The following KLHL13 variants were observed in gnomAD, a reference collection of about 807,000 sequenced individuals.
KLHL13 encodes the protein kelch like family member 13.
Under a neutral mutation model 37.1 loss-of-function variants are expected in KLHL13, and 10 were observed. The ratio of observed to expected loss-of-function variants is 0.27; its 90% CI spans 0.17 to 0.46. KLHL13 has a LOEUF of 0.46. KLHL13 is among the 20% of genes least tolerant of loss of function. The pLI is 1.00. For synonymous variants in KLHL13, 163 were observed against 181.2 expected (o/e 0.90, Z 0.81); for missense variants, 360 against 509.3 (o/e 0.71, Z 2.82).
intron 1 of KLHL13, among the ~76,000 whole-genome samples, chrX:118,016,789 G>C (rs930812133): frequency 4.3e-4 from 48 of 111,455 alleles, no homozygotes; most frequent in Non-Finnish European, 1.3e-4. Context: ...TATGGGTCTT[G>C]AGGAACAAGT....
chrX:118,032,837 CT>C (rs1417462321), intron 1 of KLHL13, among the ~76,000 whole-genome samples: 1 of 111,236 alleles, frequency 9.0e-6, no homozygotes, highest in Non-Finnish European at 1.9e-5. Context: ...AAGTTGAAAA[CT>C]TTGAAAACAA....
At chrX:117,923,198 G>A (rs979163172) in intron 2 of KLHL13, among the ~76,000 whole-genome samples, 1 of 111,773 alleles carries the variant, frequency 8.9e-6, no homozygotes, top group Admixed American at 9.5e-5. Context: ...AGCTGTCTAA[G>A]TATATCTGTG....
chrX:118,046,367 T>C (rs1261088662), intron 1 of KLHL13, among the ~76,000 whole-genome samples: 1 of 111,741 alleles, frequency 8.9e-6, no homozygotes, highest in Admixed American at 9.5e-5. Flanking sequence ...AGACAGATGG[T>C]AGAATGATGG....
intron 1 of KLHL13, among the ~76,000 whole-genome samples, chrX:118,014,052 C>A (rs1463511643): frequency 1.8e-5 from 2 of 111,841 alleles, no homozygotes; most frequent in East Asian, 5.6e-4. Context: ...TGTGTTTGAA[C>A]AATATTAAAT....
intron 2 of KLHL13, among the ~76,000 whole-genome samples, chrX:117,925,915 T>C (rs1446944531): frequency 9.0e-6 from 1 of 111,205 alleles, no homozygotes; most frequent in Non-Finnish European, 1.9e-5. Context: ...GCCTCAAGGA[T>C]GCCCCCCAAC....
At chrX:117,912,435 C>T (rs6645414) in intron 4 of KLHL13, among the ~76,000 whole-genome samples, 11,495 of 111,661 alleles carry the variant, frequency 0.1, 594 homozygotes, top group African/African-American at 0.2. Context: ...CTGTATAATT[C>T]AGAAATGGGA....
At chrX:117,951,681 G>A (rs192631251) in intron 1 of KLHL13, among the ~76,000 whole-genome samples, 110 of 111,842 alleles carry the variant, frequency 9.8e-4, no homozygotes, top group Admixed American at 1.6e-3. Context: ...CTTCTTATAT[G>A]CATATGTCTG....
chrX:117,957,602 T>C (rs1181154910), intron 1 of KLHL13, among the ~76,000 whole-genome samples: 1 of 112,289 alleles, frequency 8.9e-6, no homozygotes, highest in Non-Finnish European at 1.9e-5. Flanking sequence ...AGAAAATTCA[T>C]TTAATTTAAA....
upstream of KLHL13, among the ~76,000 whole-genome samples, chrX:117,974,832 A>T (rs1391554646): frequency 9.0e-6 from 1 of 111,301 alleles, no homozygotes; most frequent in Non-Finnish European, 1.9e-5. Context: ...TCATTACCTT[A>T]CATACAATTT....
chrX:117,963,756 C>A (rs1169309742), intron 1 of KLHL13, among the ~76,000 whole-genome samples: 1 of 100,537 alleles, frequency 9.9e-6, no homozygotes, highest in African/African-American at 3.7e-5. Context: ...TAATGATTGC[C>A]ATTCTAACTG....
intron 1 of KLHL13, among the ~76,000 whole-genome samples, chrX:118,053,384 G>A (rs770631951): frequency 9.0e-6 from 1 of 111,484 alleles, no homozygotes; most frequent in South Asian, 3.8e-4. Context: ...GCAAACTATT[G>A]CAAGGACAAA....
chrX:118,091,427 C>G (rs1364915974), intron 1 of KLHL13, among the ~76,000 whole-genome samples: 2 of 110,911 alleles, frequency 1.8e-5, no homozygotes, highest in Non-Finnish European at 3.8e-5. Flanking sequence ...AATAAAGTCT[C>G]AGTAAAGAAA....
chrX:118,116,318 A>AG (rs2055467876), intron 1 of KLHL13, among the ~76,000 whole-genome samples, 190 bp downstream of exon 1: 1 of 112,398 alleles, frequency 8.9e-6, no homozygotes, highest in Non-Finnish European at 1.9e-5. Flanking sequence ...CGAAGGTGTA[A>AG]GGATGAGGGC....
At chrX:118,040,396 C>G (rs1476577226) in intron 1 of KLHL13, among the ~76,000 whole-genome samples, 1 of 111,083 alleles carries the variant, frequency 9.0e-6, no homozygotes, top group Non-Finnish European at 1.9e-5. Flanking sequence ...TCCTATCAGA[C>G]GAGAGCTGAA....
chrX:117,978,983 T>G (rs1177767713), intron 1 of KLHL13, among the ~76,000 whole-genome samples: 4 of 111,093 alleles, frequency 3.6e-5, no homozygotes, highest in Non-Finnish European at 7.5e-5. Flanking sequence ...CAGGCTGGAG[T>G]GCAGTGCCAC....
chrX:118,026,360 G>C (rs1006791643), intron 1 of KLHL13, among the ~76,000 whole-genome samples: 2 of 111,386 alleles, frequency 1.8e-5, no homozygotes, highest in Non-Finnish European at 3.8e-5. Context: ...CAATTTTTTT[G>C]CATGAAAATA....
intron 1 of KLHL13, among the ~76,000 whole-genome samples, chrX:118,097,330 T>C (rs930242362): frequency 1.8e-5 from 2 of 111,413 alleles, no homozygotes; most frequent in East Asian, 2.8e-4. Context: ...CCATTCACAA[T>C]TGCTTCAAAG....
chrX:118,021,151 AT>A (rs2054204374), intron 1 of KLHL13, among the ~76,000 whole-genome samples: 2 of 108,529 alleles, frequency 1.8e-5, no homozygotes, highest in African/African-American at 3.3e-5. Flanking sequence ...TAATAAAAAA[AT>A]ACAGTATTTT....
chrX:117,970,246 G>A (rs1341767777), intron 1 of KLHL13, among the ~76,000 whole-genome samples: 1 of 111,617 alleles, frequency 9.0e-6, no homozygotes, highest in Non-Finnish European at 1.9e-5. Context: ...GACAAAGCAC[G>A]GTAAGTAATG....
Sources: gnomAD v4.1 joint callset for allele counts (sites outside exome capture counted in the v4.1 genomes callset) on GRCh38, gnomAD v4.1.1 for gene constraint, MANE v1.5 for transcripts, NCBI Gene and HGNC (gene_info 2026-07-23, HGNC 2026-07-21) for gene names.